Variants in ADD1 observed in about 807,000 individuals in gnomAD.
ADD1 encodes alpha-adducin.
Under a neutral mutation model 80.5 loss-of-function variants are expected in ADD1, and 24 were observed. The observed-to-expected ratio is 0.30, with a 90% CI of 0.22 to 0.42. ADD1 has a LOEUF of 0.42. Ranked by LOEUF, ADD1 falls within the 10% of genes least tolerant of loss-of-function variation. The pLI is 1.00. For missense variants in ADD1, 948 were observed against 1,019.0 expected, an observed-to-expected ratio of 0.93 and a Z score of 0.95; for synonymous variants, 373 against 393.8, an observed-to-expected ratio of 0.95 and a Z score of 0.63.
At chr4:2,908,957 A>G (rs1415620805) in intron 12 of ADD1, 11 of 444,248 alleles carry the variant, frequency 2.5e-5, no homozygotes, top group Middle Eastern at 6.3e-4. Flanking sequence ...GTTCTGGTAC[A>G]TATTGCTGTC....
At chr4:2,908,776 C>G (rs772486216) in intron 12 of ADD1, 172 bp downstream of exon 12, 1 of 628,524 alleles carries the variant, frequency 1.6e-6, no homozygotes, top group Admixed American at 2.7e-5. Flanking sequence ...TCGTTGAGTT[C>G]TAGAAGGAGC....
At chr4:2,911,146 T>G (rs564044482) in intron 13 of ADD1, among the ~76,000 whole-genome samples, 12 of 152,130 alleles carry the variant, frequency 7.9e-5, no homozygotes, top group African/African-American at 1.4e-4. Flanking sequence ...CAAGGACGAC[T>G]GTGTCCCACA....
chr4:2,923,722 G>A (rs1740488950), intron 14 of ADD1, among the ~76,000 whole-genome samples: 1 of 152,254 alleles, frequency 6.6e-6, no homozygotes, highest in Non-Finnish European at 1.5e-5. Context: ...ATTGTGCCGG[G>A]CACATGCCCA....
At chr4:2,875,771 T>C in intron 1 of ADD1, 125 bp from the exon 2 acceptor site, 1 of 765,994 alleles carries the variant, frequency 1.3e-6, no homozygotes, top group Non-Finnish European at 2.0e-6. Context: ...GGTCATGGTT[T>C]CCACTGTCAG....
At chr4:2,869,493 C>T (rs1480077064) in intron 1 of ADD1, among the ~76,000 whole-genome samples, 6 of 152,148 alleles carry the variant, frequency 3.9e-5, no homozygotes, top group Non-Finnish European at 7.4e-5. Context: ...ACATCTGTAG[C>T]GACCCTATTT....
intron 8 of ADD1, chr4:2,898,815 A>AGT (rs770576328): frequency 6.7e-6 from 3 of 448,054 alleles, no homozygotes; most frequent in Non-Finnish European, 1.2e-5. Flanking sequence ...TCAGGTGCTT[A>AGT]GTGTGTGTCA....
chr4:2,863,520 A>T (rs1729106629), intron 1 of ADD1, among the ~76,000 whole-genome samples: 1 of 152,202 alleles, frequency 6.6e-6, no homozygotes, highest in South Asian at 2.1e-4. Context: ...CACTGACAGT[A>T]AAAATCATTG....
At chr4:2,883,678 C>CTT (rs879343166) in intron 3 of ADD1, among the ~76,000 whole-genome samples, 1 of 146,116 alleles carries the variant, frequency 6.8e-6, no homozygotes, top group Non-Finnish European at 1.5e-5. Context: ...TTTCTCTTTT[C>CTT]TTTTTTTTTT....
rs4690006 is a variant in ADD1 at position 2,899,433 on chromosome 4, C to G, written c.1159C>G (p.Leu387Val). ...AGCCCTCATGCGGATGCTCGATAAT[C>G]TGGTAAGAATGGTGCCACCACTTGA... Reference protein sequence around the residue: ...FEALMRMLDNLGYRTGYPYRY... With the variant: ...FEALMRMLDNVGYRTGYPYRY... Residue 387 changes from leucine (L) to valine (V), a missense_variant and splice_region_variant, in exon 9 of 16, where the codon CTG becomes GTG. Transcript: ENST00000683351. 6.2e-7 allele frequency: 1 copy of G among 1,614,082 alleles called. No homozygotes were observed. Among genetic ancestry groups the G allele is most frequent in the African/African-American group, 1.3e-5 (1 of 74,934 alleles).
At chr4:2,858,549 A>G (rs1467848579) in intron 1 of ADD1, among the ~76,000 whole-genome samples, 2 of 152,230 alleles carry the variant, frequency 1.3e-5, no homozygotes, top group Non-Finnish European at 2.9e-5. Context: ...TTTGATAAAC[A>G]CCCAAACCAG....
rs1449141397 is a variant in ADD1, at chr4:2,904,869, A to G, written c.1267A>G (p.Ser423Gly). Residue 423 changes from serine (S) to glycine (G), a missense_variant, in exon 10 of 16, where the codon AGT becomes GGT. Ser to Gly is a moderately conservative substitution (Grantham distance 56). Transcript: ENST00000683351. ...PASVTGYSFA[S>G]DGDSGTCSPL... ...TAGTGTCACAGGTTACTCCTTTGCTAGTGACGGTGATTCGGGCACTTGCTC... is the reference window on the plus strand; with the variant it reads ...TAGTGTCACAGGTTACTCCTTTGCTGGTGACGGTGATTCGGGCACTTGCTC... 2 of 1,614,180 alleles carry G rather than the reference A, an allele frequency of 1.2e-6. No individual in the cohort carries two copies. Among genetic ancestry groups the G allele is most frequent in the Non-Finnish European group, 1.7e-6 (2 of 1,180,038 alleles).
intron 14 of ADD1, among the ~76,000 whole-genome samples, chr4:2,916,528 C>G (rs1739106251): frequency 6.6e-6 from 1 of 152,066 alleles, no homozygotes; most frequent in Admixed American, 6.6e-5. Context: ...TTGTCTCTCT[C>G]TCTCTTTTTT....
Position 2,909,373 on chromosome 4 carries a change from A to C in ADD1, c.1733A>C (p.Glu578Ala). The change falls in exon 13 of 16, where the codon GAA becomes GCA. Residue 578 changes from glutamate to alanine, a missense_variant. Physicochemically the swap from Glu to Ala is moderately radical, Grantham distance 107. Transcript: ENST00000683351. ...APLSDCTETIEGLELTEQTFS... is the reference protein window; with the variant it reads ...APLSDCTETIAGLELTEQTFS... Reference sequence around the variant, plus strand: ...CTCTCTGACTGTACGGAAACTATCGAAGGGCTCGAGCTTACAGAGCAGACC... The same window carrying C: ...CTCTCTGACTGTACGGAAACTATCGCAGGGCTCGAGCTTACAGAGCAGACC... The C allele has an allele frequency of 6.4e-7, 1 of 1,550,468 alleles. No individual in the cohort carries two copies. Among genetic ancestry groups the C allele is most frequent in the Non-Finnish European group, 8.7e-7 (1 of 1,146,936 alleles).
intron 1 of ADD1, among the ~76,000 whole-genome samples, chr4:2,847,215 G>C (rs555986271): frequency 2.0e-5 from 3 of 152,042 alleles, no homozygotes; most frequent in African/African-American, 7.2e-5. Context: ...CTGAGGTCAG[G>C]AGTTTGAGAC....
chr4:2,909,437 C>CA lies in ADD1; in HGVS notation c.1791+7dup. ...AATCTCTCTCTTTTAGAAAGGTACT[C>CA]ACTGCCCTGTCCTCACTACCTGTCT... On this transcript the variant is annotated splice_region_variant and intron_variant, in intron 13 of 15. Transcript: ENST00000683351. 3 of 1,546,656 alleles carry CA rather than the reference C, an allele frequency of 1.9e-6. No homozygotes were observed. The highest frequency in any genetic ancestry group is 2.6e-6 in the Non-Finnish European group (3 of 1,143,464).
chr4:2,908,235 G>T (rs1737392706), intron 11 of ADD1, among the ~76,000 whole-genome samples: 2 of 152,254 alleles, frequency 1.3e-5, no homozygotes, highest in South Asian at 4.1e-4. Flanking sequence ...CATGCAGCGA[G>T]TGTTTCCCCC....
intron 15 of ADD1, among the ~76,000 whole-genome samples, chr4:2,927,782 T>A (rs1291682707): frequency 6.6e-6 from 1 of 152,212 alleles, no homozygotes; most frequent in Non-Finnish European, 1.5e-5. Flanking sequence ...TAGACTTAAT[T>A]TCAGTACTAC....
intron 1 of ADD1, among the ~76,000 whole-genome samples, chr4:2,869,367 G>A (rs956244763): frequency 6.6e-6 from 1 of 151,016 alleles, no homozygotes. Context: ...GTCCACCTCT[G>A]CCTTCATCTA....
At chr4:2,882,623 A>G (rs1341388906) in intron 3 of ADD1, among the ~76,000 whole-genome samples, 2 of 152,220 alleles carry the variant, frequency 1.3e-5, no homozygotes, top group Non-Finnish European at 2.9e-5. Context: ...GTCTGGTTGG[A>G]TAGTCAAATC....
Sources: allele counts gnomAD v4.1 joint callset (sites outside exome capture counted in the v4.1 genomes callset), GRCh38; gene constraint gnomAD v4.1.1; transcripts MANE v1.5; gene names NCBI Gene and HGNC (gene_info 2026-07-23, HGNC 2026-07-21).